TIMELESS: variants seen among roughly 807,000 people sequenced by gnomAD.
TIMELESS encodes the protein protein timeless homolog.
A neutral mutation model predicts 164.3 loss-of-function variants in TIMELESS; 124 were observed. The observed-to-expected ratio is 0.75, with a 90% CI of 0.65 to 0.88. The LOEUF (loss-of-function observed/expected upper bound fraction) is 0.88, where lower values mean the gene tolerates loss of function less well. Ranked by LOEUF, TIMELESS falls within the 40% of genes least tolerant of loss-of-function variation. The pLI, the probability that TIMELESS is intolerant of heterozygous loss-of-function variation, is 0.00. For missense variants in TIMELESS, 1,422 were observed against 1,491.4 expected, an observed-to-expected ratio of 0.95 and a Z score of 0.77; for synonymous variants, 564 against 563.4, an observed-to-expected ratio of 1.00 and a Z score of -0.02.
chr12:56,419,891 C>A (rs1881397990), intron 26 of TIMELESS, among the ~76,000 whole-genome samples: 1 of 149,112 alleles, frequency 6.7e-6, no homozygotes, highest in Non-Finnish European at 1.5e-5. Flanking sequence ...CCTGTAGTCC[C>A]AGCTACTCAG....
intron 8 of TIMELESS, 52 bp from the exon 9 acceptor site, chr12:56,431,020 T>C (rs763198031): frequency 1.6e-6 from 2 of 1,261,308 alleles, no homozygotes; most frequent in Admixed American, 4.8e-5. Flanking sequence ...GGAAACTTTA[T>C]CTCCATTCTC....
intron 10 of TIMELESS, 85 bp from the exon 11 acceptor site, chr12:56,429,185 A>T: frequency 8.1e-7 from 1 of 1,239,834 alleles, no homozygotes. Flanking sequence ...GATGGAATGG[A>T]TGCTGGACAC....
At position 56,423,873 on chromosome 12, in the gene TIMELESS, A is replaced by T; in HGVS notation, c.1890T>A (p.Asp630Glu). Reference protein sequence around the residue: ...RSAREVWPEGDVFGSQDISPE... With the variant: ...RSAREVWPEGEVFGSQDISPE... Reference sequence around the variant, plus strand: ...GAGAAATGTCTTGAGAGCCAAACACATCTCCTTCAGGCCACACCTCCCTGG... The same window carrying T: ...GAGAAATGTCTTGAGAGCCAAACACTTCTCCTTCAGGCCACACCTCCCTGG... Residue 630 changes from aspartate (D) to glutamate (E), a missense_variant, in exon 16 of 29, where the codon GAT becomes GAA. By Grantham distance (45) the Asp-to-Glu change is conservative. Transcript: ENST00000553532. 1 of 1,614,108 alleles carries T rather than the reference A, an allele frequency of 6.2e-7. No individual in the cohort carries two copies. The highest frequency in any genetic ancestry group is 8.5e-7 in the Non-Finnish European group (1 of 1,180,010).
At position 56,417,202 on chromosome 12, in the gene TIMELESS, T is replaced by C. The variant is rs948139460; in HGVS notation, c.*514A>G. On this transcript the variant is annotated 3_prime_UTR_variant, in exon 29 of 29. Transcript: ENST00000553532. The stretch of plus-strand genomic sequence containing the variant: ...CATCTAGAGTACTATATTCCAACCC[T>C]ATCTCAAATGCAGGAATGGGCCTCT... 7 of 162,208 alleles carry C rather than the reference T, an allele frequency of 4.3e-5. No homozygotes were observed. The highest frequency in any genetic ancestry group is 9.6e-5 in the Non-Finnish European group (7 of 73,270). The allele number at this position is 162,208 out of a possible 1,614,324, so 10.0% of individuals were successfully genotyped here.
chr12:56,445,088 A>G (rs1868329803), intron 1 of TIMELESS, among the ~76,000 whole-genome samples: 2 of 151,998 alleles, frequency 1.3e-5, no homozygotes, highest in African/African-American at 4.8e-5. Flanking sequence ...TCAAGGACTG[A>G]CACTATCTCC....
intron 7 of TIMELESS, 117 bp downstream of exon 7, chr12:56,432,252 C>A (rs1486456688): frequency 2.9e-4 from 371 of 1,261,384 alleles, no homozygotes; most frequent in Non-Finnish European, 3.1e-5. Context: ...GACATGGCTA[C>A]TCCTGCTGTC....
intron 1 of TIMELESS, among the ~76,000 whole-genome samples, chr12:56,440,221 C>T (rs1329035732): frequency 1.3e-5 from 2 of 150,956 alleles, no homozygotes; most frequent in Admixed American, 6.6e-5. Flanking sequence ...TCACTGCAAC[C>T]GCCACCTCCT....
chr12:56,433,224 AAAAG>A, intron 5 of TIMELESS, 97 bp from the exon 6 acceptor site: 1 of 1,438,146 alleles, frequency 7.0e-7, no homozygotes, highest in Admixed American at 1.8e-5. Flanking sequence ...AGCAGGATTA[AAAAG>A]AAAGAGTTCA....
At chr12:56,434,911 A>G (rs918983441) in intron 1 of TIMELESS, among the ~76,000 whole-genome samples, 16 of 152,106 alleles carry the variant, frequency 1.1e-4, no homozygotes, top group African/African-American at 3.6e-4. Context: ...TGTGGCACAC[A>G]CCTGCACTCC....
chr12:56,448,976 A>G (rs561940426), intron 1 of TIMELESS, among the ~76,000 whole-genome samples: 71 of 152,304 alleles, frequency 4.7e-4, no homozygotes, highest in African/African-American at 1.3e-3. Context: ...GGTCTCAACT[A>G]GATGCTAAGC....
At chr12:56,436,833 C>T (rs1041870601) in intron 1 of TIMELESS, among the ~76,000 whole-genome samples, 3 of 152,128 alleles carry the variant, frequency 2.0e-5, no homozygotes, top group Middle Eastern at 3.2e-3. Flanking sequence ...ACCAGTCCAA[C>T]AAAAGGAAAG....
chr12:56,433,055 G>A lies in TIMELESS; in HGVS notation c.502C>T (p.His168Tyr), dbSNP rs756219047. 114 of 1,613,502 alleles carry A rather than the reference G, an allele frequency of 7.1e-5. No individual in the cohort carries two copies. Among genetic ancestry groups the A allele is most frequent in the Non-Finnish European group, 9.7e-5 (114 of 1,179,950 alleles). Residue 168 changes from histidine to tyrosine, a missense_variant, in exon 6 of 29, where the codon CAT becomes TAT. His to Tyr is a moderately conservative substitution (Grantham distance 83). Transcript: ENST00000553532. Reference sequence around the variant, plus strand: ...TCCTGATCAAGGTCAGCTGGGACATGGAGAATATTTCTGACCAGCAGTAGG... The same window carrying A: ...TCCTGATCAAGGTCAGCTGGGACATAGAGAATATTTCTGACCAGCAGTAGG... ...RILLLVRNIL[H>Y]VPADLDQEKK...
At chr12:56,439,540 A>G (rs1868249751) in intron 1 of TIMELESS, among the ~76,000 whole-genome samples, 1 of 152,036 alleles carries the variant, frequency 6.6e-6, no homozygotes, top group Admixed American at 6.6e-5. Context: ...GACCACAGGC[A>G]TTCAATACCA....
At position 56,418,216 on chromosome 12, in the gene TIMELESS, C is replaced by T. The variant is rs772851523; in HGVS notation, c.3372G>A (p.Glu1124=). The T allele has an allele frequency of 6.2e-7, 1 of 1,614,216 alleles. No homozygotes were observed. The highest frequency in any genetic ancestry group is 8.5e-7 in the Non-Finnish European group (1 of 1,180,042). The change falls in exon 27 of 29, where the codon GAG becomes GAA. Residue 1124 remains glutamate (E), a synonymous_variant. Coordinates refer to ENST00000553532, the MANE Select transcript of TIMELESS (RefSeq NM_003920.5). The stretch of plus-strand genomic sequence containing the variant: ...CTTGTGCTCGGTGCTCTTTACAGTG[C>T]TCCTCATCAGAGCCTTGCTCTCCAG... ...KVPGEQGSDE[E]HCKEHRAQAL...
chr12:56,447,197 T>G (rs2933242), intron 1 of TIMELESS, among the ~76,000 whole-genome samples: 2,025 of 147,212 alleles, frequency 0.014, 33 homozygotes, highest in Admixed American at 0.023. Flanking sequence ...TTTTTTTTTT[T>G]TTTTTTTTTT....
intron 26 of TIMELESS, among the ~76,000 whole-genome samples, chr12:56,420,029 A>AAAAATATAT (rs1555176447): frequency 2.7e-4 from 20 of 75,164 alleles, no homozygotes; most frequent in East Asian, 5.0e-4. Context: ...AAAAAAAAAA[A>AAAAATATAT]ATATATATAT....
intron 12 of TIMELESS, 24 bp downstream of exon 12, chr12:56,428,525 T>A: frequency 6.2e-7 from 1 of 1,612,138 alleles, no homozygotes; most frequent in Non-Finnish European, 8.5e-7. Flanking sequence ...CAGGCTGGGA[T>A]CGGGGACCAG....
In TIMELESS at chr12:56,421,405, A is replaced by G. The variant is rs1382746583; in HGVS notation, c.2814T>C (p.Ala938=). The change falls in exon 23 of 29, where the codon GCT becomes GCC. Residue 938 remains alanine, a synonymous_variant. Transcript: ENST00000553532. ...GTTTCTTGTACAGCTCCCGCCGCTC[A>G]GCCACCAGCCCCAGAGCCAAGAGTT... ...VDKLLALGLV[A]ERRELYKKRQ... is the part of the protein sequence containing the mutation. The G allele has an allele frequency of 1.2e-6, 2 of 1,614,042 alleles. No individual in the cohort carries two copies. Among genetic ancestry groups the G allele is most frequent in the African/African-American group, 1.3e-5 (1 of 74,930 alleles).
chr12:56,431,598 C>A lies in TIMELESS; in HGVS notation c.694G>T (p.Glu232Ter), dbSNP rs573398564. 1 of 1,611,534 alleles carries A rather than the reference C, an allele frequency of 6.2e-7. No individual in the cohort carries two copies. The highest frequency in any genetic ancestry group is 8.5e-7 in the Non-Finnish European group (1 of 1,179,416). Residue 232 changes from glutamate (E) to a stop codon, truncating the protein, a stop_gained, in exon 8 of 29, where the codon GAG becomes TAG. Coordinates refer to ENST00000553532, the MANE Select transcript of TIMELESS (RefSeq NM_003920.5). LOFTEE classifies it high-confidence loss of function. ...VSLMFRDQNP[E>*]QLAGVGQGRL... ...CCCTGCCCTACTCCCGCCAGCTGCTCGGGGTTCTAGATTGGAACAAAGAGG... is the reference window on the plus strand; with the variant it reads ...CCCTGCCCTACTCCCGCCAGCTGCTAGGGGTTCTAGATTGGAACAAAGAGG...
Sources: gnomAD v4.1 joint callset for allele counts (sites outside exome capture counted in the v4.1 genomes callset) on GRCh38, gnomAD v4.1.1 for gene constraint, MANE v1.5 for transcripts, NCBI Gene and HGNC (gene_info 2026-07-23, HGNC 2026-07-21) for gene names.